The following CD40 variants were observed in gnomAD, a reference collection of about 807,000 sequenced individuals.
CD40 encodes tumor necrosis factor receptor superfamily member 5.
CD40 carries 19 observed loss-of-function variants against 38.5 expected under a neutral mutation model. That is an observed-to-expected ratio of 0.49 (90% CI 0.34 to 0.72). CD40 has a LOEUF of 0.72. Ranked by LOEUF, CD40 falls within the 30% of genes least tolerant of loss-of-function variation. The probability of loss-of-function intolerance (pLI) is 0.01; values close to 1 mark genes in which losing one functional copy is unlikely to be tolerated. For missense variants in CD40, 256 were observed against 344.1 expected (o/e 0.74, Z 2.03); for synonymous variants, 130 against 128.7 (o/e 1.01, Z -0.07).
chr20:46,124,765 T>TG (rs2085394009), intron 5 of CD40, among the ~76,000 whole-genome samples: 3 of 105,154 alleles, frequency 2.9e-5, no homozygotes, highest in East Asian at 5.4e-4. Flanking sequence ...TTTTTTTTTT[T>TG]TTTTTTTTTT....
intron 1 of CD40, 59 bp from the exon 2 acceptor site, chr20:46,121,761 C>T: frequency 3.0e-6 from 4 of 1,319,348 alleles, no homozygotes; most frequent in Non-Finnish European, 4.4e-6. Flanking sequence ...TACCTTTCTG[C>T]TGAAGAAGTT....
At chr20:46,124,604 T>C (rs1312852253) in intron 5 of CD40, among the ~76,000 whole-genome samples, 2 of 151,818 alleles carry the variant, frequency 1.3e-5, no homozygotes, top group African/African-American at 4.8e-5. Flanking sequence ...CCCTAATAGA[T>C]TGAAAATTCC....
intron 1 of CD40, among the ~76,000 whole-genome samples, chr20:46,119,520 G>A (rs1269877693): frequency 6.6e-6 from 1 of 152,202 alleles, no homozygotes; most frequent in Non-Finnish European, 1.5e-5. Flanking sequence ...AGCCAGAGGA[G>A]GTGGGGTGAA....
At chr20:46,128,446 A>C in intron 8 of CD40, 88 bp downstream of exon 8, 1 of 1,415,774 alleles carries the variant, frequency 7.1e-7, no homozygotes, top group East Asian at 2.3e-5. Flanking sequence ...AAACTGATTC[A>C]GAGTCTGTCT....
At chr20:46,125,627 T>G (rs1475665888) in intron 5 of CD40, among the ~76,000 whole-genome samples, 1 of 151,952 alleles carries the variant, frequency 6.6e-6, no homozygotes, top group South Asian at 2.1e-4. Context: ...CCTTAGATGA[T>G]TTTTCCTTTG....
rs935301525 is a variant in CD40 at position 46,128,205 on chromosome 20, C to G, written c.627C>G (p.Leu209=). The G allele has an allele frequency of 6.2e-7, 1 of 1,610,806 alleles. No homozygotes were observed. Among genetic ancestry groups the G allele is most frequent in the Non-Finnish European group, 8.5e-7 (1 of 1,179,382 alleles). Residue 209 remains leucine (L), a synonymous_variant, in exon 7 of 9, where the codon CTC becomes CTG. Transcript: ENST00000372285. Reference sequence around the variant, plus strand: ...TCTTCGGGATCCTGTTTGCCATCCTCTTGGTGCTGGTCTTTATCAGTGAGT... The same window carrying G: ...TCTTCGGGATCCTGTTTGCCATCCTGTTGGTGCTGGTCTTTATCAGTGAGT... ...PIIFGILFAI[L]LVLVFIKKVA... is the part of the protein sequence containing the mutation.
At chr20:46,128,459 G>A in intron 8 of CD40, 101 bp downstream of exon 8, 4 of 1,302,334 alleles carry the variant, frequency 3.1e-6, no homozygotes, top group Non-Finnish European at 4.4e-6. Context: ...GTCTGTCTCT[G>A]CAGCCAGTGG....
Position 46,129,752 on chromosome 20 carries a change from G to C in CD40, c.*712G>C, listed in dbSNP as rs1053737116. 1.3e-5 allele frequency: 2 copies of C among 152,162 alleles called. No individual in the cohort carries two copies. The highest frequency in any genetic ancestry group is 2.9e-5 in the Non-Finnish European group (2 of 68,072). The allele number at this position is 152,162 out of a possible 1,614,324, so 9.4% of individuals were successfully genotyped here. A position where few individuals can be genotyped will look rare whatever the true frequency, so the allele number is the denominator to read the frequency against. ...GGGAAGAAGGGTCTGGGGGAGGGTT[G>C]GTTAAAGGGAGATTTGGCTTTCCCA... On this transcript the variant is annotated 3_prime_UTR_variant, in exon 9 of 9. Coordinates refer to ENST00000372285, the MANE Select transcript of CD40 (RefSeq NM_001250.6).
chr20:46,122,879 C>A lies in CD40; in HGVS notation c.403+123C>A. ...AGGAAGCAGAGGCTCCAACCTATGT[C>A]GGTATCCCCACTGGAGTGAGCTGCA... is the stretch of plus-strand genomic sequence containing the variant. On this transcript the variant is annotated intron_variant, in intron 4 of 8. Coordinates refer to ENST00000372285, the MANE Select transcript of CD40 (RefSeq NM_001250.6). The surrounding 1 kb of genome is among the most constrained non-coding windows in gnomAD (Gnocchi z 5.0). The A allele has an allele frequency of 7.9e-7, 1 of 1,270,268 alleles. No individual in the cohort carries two copies. The highest frequency in any genetic ancestry group is 1.1e-6 in the Non-Finnish European group (1 of 904,104). 78.7% of individuals were successfully genotyped at this position (1,270,268 alleles called of 1,614,324 possible).
chr20:46,128,865 A>ACACC lies in CD40; in HGVS notation c.676-16_676-13dup. 6.2e-7 allele frequency: 1 copy of ACACC among 1,613,760 alleles called. No homozygotes were observed. The highest frequency in any genetic ancestry group is 8.5e-7 in the Non-Finnish European group (1 of 1,179,804). The stretch of plus-strand genomic sequence containing the variant: ...TGCCCCTGCTGCTGGGGGTGACCTC[A>ACACC]CACCTTGCCTCTCCAGGCCCCCCAC... On this transcript the variant is annotated splice_polypyrimidine_tract_variant and intron_variant, in intron 8 of 8. Transcript: ENST00000372285.
rs569911350 is a variant in CD40, at chr20:46,122,556, C to A, written c.257-54C>A. 2.8e-5 allele frequency: 45 copies of A among 1,612,180 alleles called. No homozygotes were observed. In the African/African-American group the frequency reaches 5.7e-4, roughly 21 times the overall value. On this transcript the variant is annotated intron_variant, in intron 3 of 8. Coordinates refer to ENST00000372285, the MANE Select transcript of CD40 (RefSeq NM_001250.6). The surrounding 1 kb of genome is among the most constrained non-coding windows in gnomAD (Gnocchi z 5.0). ...AGAGCAGGCAATGTGGGGAGTGAGG[C>A]TCAGAGCATGGCCCAGCAGGGGGTT...
intron 5 of CD40, 88 bp downstream of exon 5, chr20:46,123,307 C>G (rs2085356076): frequency 1.0e-6 from 1 of 987,318 alleles, no homozygotes; most frequent in Non-Finnish European, 1.6e-6. Flanking sequence ...TGTCCCTGCT[C>G]CCAGAGGTCC....
chr20:46,128,791 C>A (rs2085492523), intron 8 of CD40, 91 bp from the exon 9 acceptor site: 2 of 1,391,500 alleles, frequency 1.4e-6, no homozygotes, highest in Non-Finnish European at 2.0e-6. Context: ...GGGGGGAGGG[C>A]TTGGGGAAGG....
intron 6 of CD40, chr20:46,127,220 A>G (rs11569331): frequency 0.016 from 2,514 of 160,982 alleles, 71 homozygotes; most frequent in African/African-American, 0.057. Flanking sequence ...TGGGACTAGA[A>G]TGAGGTGAGC....
intron 5 of CD40, among the ~76,000 whole-genome samples, chr20:46,124,152 T>C (rs891926741): frequency 3.3e-5 from 5 of 151,978 alleles, no homozygotes; most frequent in African/African-American, 1.2e-4. Context: ...ACCAAAAAAT[T>C]AGCTGGGTGT....
chr20:46,129,741 G>C lies in CD40; in HGVS notation c.*701G>C, dbSNP rs1244198983. 1 of 152,286 alleles carries C rather than the reference G, an allele frequency of 6.6e-6. No individual in the cohort carries two copies. The highest frequency in any genetic ancestry group is 1.5e-5 in the Non-Finnish European group (1 of 68,132). 9.4% of individuals were successfully genotyped at this position (152,286 alleles called of 1,614,324 possible). A position where few individuals can be genotyped will look rare whatever the true frequency, so the allele number is the denominator to read the frequency against. Reference sequence around the variant, plus strand: ...CGTCTGGGGTGGGGAAGAAGGGTCTGGGGGAGGGTTGGTTAAAGGGAGATT... The same window carrying C: ...CGTCTGGGGTGGGGAAGAAGGGTCTCGGGGAGGGTTGGTTAAAGGGAGATT... On this transcript the variant is annotated 3_prime_UTR_variant, in exon 9 of 9. Transcript: ENST00000372285.
chr20:46,124,788 A>G (rs66815221), intron 5 of CD40, among the ~76,000 whole-genome samples: 14,213 of 62,528 alleles, frequency 0.23, 1,263 homozygotes, highest in East Asian at 0.61. Flanking sequence ...TTTTTTTGAG[A>G]CAGAGTCTCA....
chr20:46,123,321 C>G (rs2085356335), intron 5 of CD40, 102 bp downstream of exon 5: 1 of 904,394 alleles, frequency 1.1e-6, no homozygotes, highest in Non-Finnish European at 1.9e-6. Flanking sequence ...GAGGTCCACA[C>G]ACACTCATGT....
At chr20:46,127,155 C>T (rs549730603) in intron 6 of CD40, 41 of 167,376 alleles carry the variant, frequency 2.4e-4, no homozygotes, top group Middle Eastern at 3.0e-3. Flanking sequence ...TTTAAAAAAA[C>T]GAAAAATACA....
Sources: allele counts gnomAD v4.1 joint callset (sites outside exome capture counted in the v4.1 genomes callset), GRCh38; gene constraint gnomAD v4.1.1; non-coding constraint Gnocchi (gnomAD v3.1); transcripts MANE v1.5; gene names NCBI Gene and HGNC (gene_info 2026-07-23, HGNC 2026-07-21).